IMMT: variants seen among roughly 807,000 people sequenced by gnomAD.
The protein encoded by IMMT is MICOS complex subunit MIC60.
In IMMT, 40 loss-of-function variants were observed where a neutral mutation model predicts 92.7. The ratio of observed to expected loss-of-function variants is 0.43; its 90% CI spans 0.34 to 0.56. The LOEUF is 0.56. IMMT is among the 20% of genes least tolerant of loss of function. IMMT has a pLI of 0.03. For synonymous variants in IMMT, 322 were observed against 336.1 expected, an observed-to-expected ratio of 0.96 and a Z score of 0.46; for missense variants, 831 against 912.1, an observed-to-expected ratio of 0.91 and a Z score of 1.14.
At chr2:86,170,689 T>C in intron 6 of IMMT, 60 bp downstream of exon 6, 1 of 1,125,738 alleles carries the variant, frequency 8.9e-7, no homozygotes, top group South Asian at 1.3e-5. Flanking sequence ...GCTGATAGTT[T>C]AAGAAGAGAG....
chr2:86,165,233 G>A (rs1372762621), intron 7 of IMMT, among the ~76,000 whole-genome samples: 1 of 152,130 alleles, frequency 6.6e-6, no homozygotes, highest in Non-Finnish European at 1.5e-5. Context: ...TCCAATCCGT[G>A]TCCTTCTGAG....
intron 6 of IMMT, among the ~76,000 whole-genome samples, chr2:86,169,256 G>C (rs961339110): frequency 6.6e-6 from 1 of 152,044 alleles, no homozygotes; most frequent in Non-Finnish European, 1.5e-5. Context: ...AGAGAGAAAA[G>C]TGAAAAGTGA....
chr2:86,180,447 G>A (rs964386519), intron 2 of IMMT, among the ~76,000 whole-genome samples: 4 of 151,592 alleles, frequency 2.6e-5, no homozygotes, highest in South Asian at 2.1e-4. Context: ...TTTATTTTTA[G>A]TAGAGACGGG....
At chr2:86,158,465 G>T in intron 10 of IMMT, 127 bp downstream of exon 10, 1 of 677,196 alleles carries the variant, frequency 1.5e-6, no homozygotes, top group Middle Eastern at 4.5e-4. Context: ...AAAATAAAAC[G>T]CTGTAACAAA....
rs1025505293 is a variant in IMMT at position 86,147,839 on chromosome 2, A to G, written c.1402-6T>C. ...GCATCTCTGACTTCTTCTATCTGTG[A>G]AACCAAACATAGTAGTTATTAGTTT... On this transcript the variant is annotated splice_polypyrimidine_tract_variant and splice_region_variant and intron_variant, in intron 12 of 14. Transcript: ENST00000410111. 6 of 1,613,060 alleles carry G rather than the reference A, an allele frequency of 3.7e-6. No homozygotes were observed. The highest frequency in any genetic ancestry group is 4.2e-6 in the Non-Finnish European group (5 of 1,179,622).
chr2:86,190,832 A>G (rs551733427), intron 1 of IMMT, among the ~76,000 whole-genome samples: 1 of 152,282 alleles, frequency 6.6e-6, no homozygotes, highest in East Asian at 1.9e-4. Context: ...TACTAAAAAT[A>G]CAAAATATTA....
At chr2:86,164,074 T>TTTTTTTTA (rs869251997) in intron 7 of IMMT, among the ~76,000 whole-genome samples, 4 of 116,270 alleles carry the variant, frequency 3.4e-5, no homozygotes, top group Non-Finnish European at 5.6e-5. Context: ...TTTTTTTTTT[T>TTTTTTTTA]GAGATGGAGT....
At chr2:86,149,879 C>CA (rs548731236) in intron 12 of IMMT, among the ~76,000 whole-genome samples, 10,977 of 120,948 alleles carry the variant, frequency 0.091, 681 homozygotes, top group East Asian at 0.25. Context: ...GACTCTGTCT[C>CA]AAAAAAAAAA....
intron 1 of IMMT, among the ~76,000 whole-genome samples, chr2:86,190,543 T>C (rs1167028156): frequency 6.6e-6 from 1 of 152,104 alleles, no homozygotes; most frequent in Non-Finnish European, 1.5e-5. Flanking sequence ...CTGGGCCTGG[T>C]GATGCAGTAT....
At chr2:86,182,960 T>C (rs1262173230) in intron 1 of IMMT, among the ~76,000 whole-genome samples, 3 of 152,192 alleles carry the variant, frequency 2.0e-5, no homozygotes, top group African/African-American at 7.2e-5. Context: ...CCAACATTTT[T>C]GAACCATTTT....
At chr2:86,188,444 G>T (rs562651698) in intron 1 of IMMT, among the ~76,000 whole-genome samples, 1 of 152,010 alleles carries the variant, frequency 6.6e-6, no homozygotes, top group South Asian at 2.1e-4. Context: ...TATATGTGGA[G>T]ACAGCATCTC....
chr2:86,188,319 C>CTTCTTA (rs1244016775), intron 1 of IMMT, among the ~76,000 whole-genome samples: 1 of 152,170 alleles, frequency 6.6e-6, no homozygotes, highest in African/African-American at 2.4e-5. Context: ...TTTCCATGTG[C>CTTCTTA]TTCTTAGCCA....
intron 2 of IMMT, among the ~76,000 whole-genome samples, chr2:86,180,160 C>T (rs1672336059): frequency 6.6e-6 from 1 of 152,166 alleles, no homozygotes; most frequent in East Asian, 1.9e-4. Flanking sequence ...TACCCTTTAA[C>T]TCAACATGTT....
chr2:86,146,130 T>C lies in IMMT; in HGVS notation c.1601A>G (p.Asn534Ser), dbSNP rs1432320363. 8 of 1,608,716 alleles carry C rather than the reference T, an allele frequency of 5.0e-6. No homozygotes were observed. Among genetic ancestry groups the C allele is most frequent in the African/African-American group, 2.7e-5 (2 of 74,882 alleles). The change falls in exon 14 of 15, where the codon AAC becomes AGC. Residue 534 changes from asparagine to serine, a missense_variant. Physicochemically the swap from Asn to Ser is conservative, Grantham distance 46. Coordinates refer to ENST00000410111, the MANE Select transcript of IMMT (RefSeq NM_006839.3). ...GGCAGTATTTATATCCAGAGTAAAG[T>C]TGTCAACTTGCTCTTGACTGAGACG... is the stretch of plus-strand genomic sequence containing the variant. Reference protein sequence around the residue: ...FRRLSQEQVDNFTLDINTAYA... With the variant: ...FRRLSQEQVDSFTLDINTAYA...
rs1469485296 is a variant in IMMT at position 86,147,590 on chromosome 2, A to G, written c.1533+112T>C. 6 of 1,025,586 alleles carry G rather than the reference A, an allele frequency of 5.9e-6. No homozygotes were observed. The Admixed American group carries it at 1.4e-4, about 25-fold the overall frequency. 63.5% of individuals were successfully genotyped at this position (1,025,586 alleles called of 1,614,324 possible). The stretch of plus-strand genomic sequence containing the variant: ...TGTAAAAAGAAGCAGTTTTGTAGAC[A>G]TACAAGGAGATTTCCAAATCTTCGA... On this transcript the variant is annotated intron_variant, in intron 13 of 14. Transcript: ENST00000410111.
At chr2:86,154,582 G>C (rs1056006059) in intron 10 of IMMT, among the ~76,000 whole-genome samples, 3 of 152,128 alleles carry the variant, frequency 2.0e-5, no homozygotes, top group Non-Finnish European at 4.4e-5. Flanking sequence ...ACAGTACCAG[G>C]CCTCTCTTAA....
chr2:86,161,442 G>A (rs1346398478), intron 8 of IMMT, among the ~76,000 whole-genome samples: 1 of 151,310 alleles, frequency 6.6e-6, no homozygotes, highest in Non-Finnish European at 1.5e-5. Flanking sequence ...TTACAGGCGT[G>A]AGCCACTGTA....
intron 10 of IMMT, 21 bp from the exon 11 acceptor site, chr2:86,153,595 C>A: frequency 3.5e-6 from 5 of 1,426,282 alleles, no homozygotes; most frequent in Admixed American, 2.5e-5. Context: ...AAAAATAGAA[C>A]AGTTTGAAAA....
Position 86,144,568 on chromosome 2 carries a change from G to T in IMMT, c.1977C>A (p.Phe659Leu). Residue 659 changes from phenylalanine to leucine, a missense_variant, in exon 15 of 15, where the codon TTC (phenylalanine) becomes TTA (leucine). Phe to Leu is a conservative substitution (Grantham distance 22). Transcript: ENST00000410111. ...DETRNSLYQY[F>L]LSYLQSLLLF... ...GGAGCAGGGACTGTAGGTAGGAGAG[G>T]AAGTACTGGTACAAGCTATTTCTGG... 2 of 1,614,020 alleles carry T rather than the reference G, an allele frequency of 1.2e-6. No homozygotes were observed. Among genetic ancestry groups the T allele is most frequent in the Non-Finnish European group, 1.7e-6 (2 of 1,179,894 alleles).
Sources: gnomAD v4.1 joint callset for allele counts (sites outside exome capture counted in the v4.1 genomes callset) on GRCh38, gnomAD v4.1.1 for gene constraint, MANE v1.5 for transcripts, NCBI Gene and HGNC (gene_info 2026-07-23, HGNC 2026-07-21) for gene names.